Variants in USP12 observed in about 807,000 individuals in gnomAD.
USP12 encodes ubiquitin specific peptidase 12, also known as ubiquitin carboxyl-terminal hydrolase 12.
A neutral mutation model predicts 45.5 loss-of-function variants in USP12; 19 were observed. The observed-to-expected ratio is 0.42, with a 90% CI of 0.29 to 0.61. The LOEUF (loss-of-function observed/expected upper bound fraction) is 0.61. Among genes scored for constraint, USP12 ranks in the 20% least tolerant of loss-of-function variants. USP12 has a pLI of 0.22. For synonymous variants in USP12, 149 were observed against 148.8 expected, an observed-to-expected ratio of 1.00 and a Z score of -0.01; for missense variants, 242 against 447.7, an observed-to-expected ratio of 0.54 and a Z score of 4.15.
At chr13:27,134,907 G>A (rs1231984716) in intron 1 of USP12, among the ~76,000 whole-genome samples, 3 of 152,152 alleles carry the variant, frequency 2.0e-5, no homozygotes, top group African/African-American at 4.8e-5. Context: ...GTAAACAGAC[G>A]TACACTTAAA....
At chr13:27,171,292 A>C (rs1194551490) in intron 1 of USP12, among the ~76,000 whole-genome samples, 2 of 146,944 alleles carry the variant, frequency 1.4e-5, no homozygotes, top group African/African-American at 2.5e-5. Flanking sequence ...TCAGCCGGGG[A>C]CTCCCGGAGG....
At position 27,081,470 on chromosome 13, in the gene USP12, T is replaced by G. The variant is rs79227338; in HGVS notation, c.735-6082A>C. The stretch of plus-strand genomic sequence containing the variant: ...TTCTAATTCTTGTTCTCTTGCTGTT[T>G]CCACCACATCTACAGTGACTTCCTC... On this transcript the variant is annotated intron_variant, in intron 6 of 8. Coordinates refer to ENST00000282344, the MANE Select transcript of USP12 (RefSeq NM_182488.4). Among the ~76,000 whole-genome samples the G allele has an allele frequency of 7.2e-3, 1,094 of 152,332 alleles. 16 individuals carry two copies. Among genetic ancestry groups the G allele is most frequent in the African/African-American group, 0.025 (1,020 of 41,584 alleles).
chr13:27,083,495 A>T (rs1039106403), intron 6 of USP12, among the ~76,000 whole-genome samples: 2 of 152,138 alleles, frequency 1.3e-5, no homozygotes, highest in Admixed American at 6.5e-5. Context: ...TGAAACAGCC[A>T]TCAATCCTTT....
rs967248887 is a variant in USP12 at position 27,067,703 on chromosome 13, AAC to A, written c.*1578_*1579del. The A allele has an allele frequency of 6.6e-6, 1 of 152,218 alleles. No individual in the cohort carries two copies. Among genetic ancestry groups the A allele is most frequent in the African/African-American group, 2.4e-5 (1 of 41,460 alleles). 9.4% of individuals were successfully genotyped at this position (152,218 alleles called of 1,614,324 possible). ...TTCCTTTTTGTTGTTTTCCATAGTCAACAGTTTTAGCAAAAGGACTTTAGAAA... is the reference window on the plus strand; with the variant it reads ...TTCCTTTTTGTTGTTTTCCATAGTCAAGTTTTAGCAAAAGGACTTTAGAAA... On this transcript the variant is annotated 3_prime_UTR_variant, in exon 9 of 9. Coordinates refer to ENST00000282344, the MANE Select transcript of USP12 (RefSeq NM_182488.4).
chr13:27,138,610 T>C (rs144356487), intron 1 of USP12, among the ~76,000 whole-genome samples: 63 of 152,324 alleles, frequency 4.1e-4, no homozygotes, highest in African/African-American at 1.3e-3. Flanking sequence ...TTGACTTTGC[T>C]GCGGGAAAGC....
At chr13:27,160,007 A>C (rs1307947667) in intron 1 of USP12, among the ~76,000 whole-genome samples, 1 of 152,238 alleles carries the variant, frequency 6.6e-6, no homozygotes, top group Non-Finnish European at 1.5e-5. Flanking sequence ...GAAAGAGCGG[A>C]ATTGCGAACA....
intron 8 of USP12, among the ~76,000 whole-genome samples, 192 bp from the exon 9 acceptor site, chr13:27,069,576 C>G (rs1873144720): frequency 6.6e-6 from 1 of 152,154 alleles, no homozygotes; most frequent in South Asian, 2.1e-4. Flanking sequence ...ATACAACTAC[C>G]CTTTGATCCA....
intron 6 of USP12, among the ~76,000 whole-genome samples, chr13:27,075,660 G>C (rs1289681696): frequency 6.6e-6 from 1 of 152,184 alleles, no homozygotes; most frequent in African/African-American, 2.4e-5. Flanking sequence ...AATGGCGTTA[G>C]TCCTTGGTTA....
At chr13:27,074,176 A>G (rs11149468) in intron 7 of USP12, among the ~76,000 whole-genome samples, 38,458 of 152,060 alleles carry the variant, frequency 0.25, 5,809 homozygotes, top group Non-Finnish European at 0.34. Context: ...CGAGGCGGGC[A>G]GATCACGAGG....
At chr13:27,137,019 T>A (rs1341292198) in intron 1 of USP12, among the ~76,000 whole-genome samples, 3 of 152,166 alleles carry the variant, frequency 2.0e-5, no homozygotes, top group African/African-American at 7.2e-5. Context: ...ACACTAGATA[T>A]GGTTAAAGCA....
chr13:27,103,290 T>A (rs191847937), intron 3 of USP12, among the ~76,000 whole-genome samples: 2 of 152,258 alleles, frequency 1.3e-5, no homozygotes, highest in East Asian at 3.9e-4. Flanking sequence ...ATATATTAAA[T>A]CCTCTTTGAT....
chr13:27,126,168 T>C (rs1304003062), intron 1 of USP12, among the ~76,000 whole-genome samples: 1 of 152,200 alleles, frequency 6.6e-6, no homozygotes, highest in Non-Finnish European at 1.5e-5. Context: ...GACTGCCTCC[T>C]CAAGTGGGTC....
chr13:27,089,681 C>G, intron 6 of USP12: 1 of 536,628 alleles, frequency 1.9e-6, no homozygotes, highest in South Asian at 2.6e-5. Context: ...TAGGAAATCA[C>G]TTCAGGGTAC....
chr13:27,144,760 C>T (rs1220604969), intron 1 of USP12, among the ~76,000 whole-genome samples: 2 of 147,326 alleles, frequency 1.4e-5, no homozygotes, highest in Admixed American at 6.8e-5. Context: ...TTTTTTTTTT[C>T]CCCCAGAAAT....
rs1555234986 is a variant in USP12 at position 27,110,127 on chromosome 13, T to TAAAAAAAAAA, written c.130-4193_130-4184dup. ...GATGACTAGGATTTCCTTTTCCAGG[T>TAAAAAAAAAA]AAAAAAAAAAAAAAAAAAAGGATAA... On this transcript the variant is annotated intron_variant, in intron 2 of 8. Transcript: ENST00000282344. Among the ~76,000 whole-genome samples, 426 of 119,588 alleles carry TAAAAAAAAAA rather than the reference T, an allele frequency of 3.6e-3. 4 individuals are homozygous for TAAAAAAAAAA. Among genetic ancestry groups the TAAAAAAAAAA allele is most frequent in the African/African-American group, 0.013 (412 of 31,086 alleles). The allele number at this position is 119,588 out of a possible 152,430, so 78.5% of individuals were successfully genotyped here. A position where few individuals can be genotyped will look rare whatever the true frequency, so the allele number is the denominator to read the frequency against.
intron 6 of USP12, among the ~76,000 whole-genome samples, chr13:27,084,060 T>C (rs1408783594): frequency 6.6e-6 from 1 of 151,642 alleles, no homozygotes; most frequent in East Asian, 1.9e-4. Flanking sequence ...AGACAGGGTT[T>C]CACCATGTTG....
chr13:27,171,552 A>G lies in USP12; in HGVS notation c.48+40T>C, dbSNP rs772970040. ...GTCCAGCGCCGCCCGCCCGCCCGAG[A>G]GGTCCCGGCAGCCCCGGCCGCCCGC... On this transcript the variant is annotated intron_variant, in intron 1 of 8. Transcript: ENST00000282344. 2.4e-5 allele frequency: 28 copies of G among 1,185,930 alleles called. No homozygotes were observed. The South Asian group carries it at 3.4e-4, about 14-fold the overall frequency. The allele number at this position is 1,185,930 out of a possible 1,614,324, so 73.5% of individuals were successfully genotyped here.
intron 1 of USP12, among the ~76,000 whole-genome samples, chr13:27,142,873 T>C (rs1877127859): frequency 6.6e-6 from 1 of 152,134 alleles, no homozygotes; most frequent in African/African-American, 2.4e-5. Context: ...GGCAGGCTGA[T>C]CACGAGGTCA....
intron 1 of USP12, among the ~76,000 whole-genome samples, chr13:27,121,694 T>C (rs1373235929): frequency 6.6e-6 from 1 of 151,904 alleles, no homozygotes; most frequent in East Asian, 1.9e-4. Flanking sequence ...ACCCCGTCTC[T>C]ACTAAAAATA....
Sources: allele counts gnomAD v4.1 joint callset (sites outside exome capture counted in the v4.1 genomes callset), GRCh38; gene constraint gnomAD v4.1.1; transcripts MANE v1.5; gene names NCBI Gene and HGNC (gene_info 2026-07-23, HGNC 2026-07-21).